Variants in CD1A observed in about 807,000 individuals in gnomAD.
CD1A encodes the protein CD1a molecule, also known as T-cell surface glycoprotein CD1a.
CD1A carries 50 observed loss-of-function variants against 38.3 expected under a neutral mutation model. That is an observed-to-expected ratio of 1.30 (90% CI 1.04 to 1.65). The LOEUF (loss-of-function observed/expected upper bound fraction) is 1.65, where lower values mean the gene tolerates loss of function less well. CD1A is among the 40% of genes most tolerant of loss of function. The pLI is 0.00. For missense variants in CD1A, 459 were observed against 406.1 expected (o/e 1.13, Z -1.12); for synonymous variants, 160 against 150.8 (o/e 1.06, Z -0.45).
At chr1:158,254,340 GA>G (rs80344811), upstream of CD1A, 4 of 1,182,042 alleles carry the variant, frequency 3.4e-6, no homozygotes, top group Middle Eastern at 3.7e-4. Context: ...GTATGATTGA[GA>G]AAAAAATGTC....
chr1:158,254,166 A>G, upstream of CD1A: 1 of 993,752 alleles, frequency 1.0e-6, no homozygotes, highest in African/African-American at 1.8e-5. Flanking sequence ...TGAAAAAGCA[A>G]ATAAATCAAT....
At chr1:158,249,285 C>G in the CD1A span, among the ~76,000 whole-genome samples, 2 of 152,116 alleles carry the variant, frequency 1.3e-5, no homozygotes, top group Non-Finnish European at 2.9e-5. Flanking sequence ...GACTGGGTGG[C>G]TTATAAACAA....
At position 158,256,858 on chromosome 1, in the gene CD1A, C is replaced by T. The variant is rs1474987512; in HGVS notation, c.677C>T (p.Ser226Leu). Reference sequence around the variant, plus strand: ...CATCTGCAGCTTGTGTGCCATGTCTCAGGATTCTACCCAAAGCCCGTGTGG... The same window carrying T: ...CATCTGCAGCTTGTGTGCCATGTCTTAGGATTCTACCCAAAGCCCGTGTGG... ...PGHLQLVCHV[S>L]GFYPKPVWVM... The change falls in exon 4 of 6, where the codon TCA (serine) becomes TTA (leucine). Residue 226 changes from serine (S) to leucine (L), a missense_variant. Ser to Leu is a moderately radical substitution (Grantham distance 145). Coordinates refer to ENST00000289429, the MANE Select transcript of CD1A (RefSeq NM_001763.3). 1 of 1,614,242 alleles carries T rather than the reference C, an allele frequency of 6.2e-7. No homozygotes were observed. The highest frequency in any genetic ancestry group is 8.5e-7 in the Non-Finnish European group (1 of 1,180,052).
At chr1:158,255,400 G>T (rs1183609601) in intron 2 of CD1A, 50 bp downstream of exon 2, 2 of 1,569,638 alleles carry the variant, frequency 1.3e-6, no homozygotes. Context: ...GAGAGGGGTT[G>T]TCTCAATGTT....
At chr1:158,250,414 G>T (rs1650056040), upstream of CD1A, among the ~76,000 whole-genome samples, 1 of 152,114 alleles carries the variant, frequency 6.6e-6, no homozygotes, top group Non-Finnish European at 1.5e-5. Context: ...TGATCATAGG[G>T]CATCAACTAT....
upstream of CD1A, among the ~76,000 whole-genome samples, chr1:158,252,896 T>TCAAAACAAAA (rs59775988): frequency 8.6e-5 from 13 of 151,582 alleles, no homozygotes; most frequent in African/African-American, 3.2e-4. Context: ...AGACTCTGTC[T>TCAAAACAAAA]CAAAACAAAA....
At chr1:158,257,344 G>A in intron 4 of CD1A, 77 bp from the exon 5 acceptor site, 8 of 1,119,424 alleles carry the variant, frequency 7.1e-6, no homozygotes, top group Non-Finnish European at 1.1e-5. Flanking sequence ...GAAGCCCAGG[G>A]AATGCAGTGA....
chr1:158,254,030 GGTTTTTTTTTTTTTTTT>G (rs753580656), upstream of CD1A: 3,642 of 45,748 alleles, frequency 0.08, 263 homozygotes, highest in East Asian at 0.2. Flanking sequence ...GTGTTCCTGT[GGTTTTTTTTTTTTTTTT>G]TTTTTTTTTT....
At chr1:158,257,389 A>G (rs756055246) in intron 4 of CD1A, 32 bp from the exon 5 acceptor site, 129 of 1,528,936 alleles carry the variant, frequency 8.4e-5, no homozygotes, top group Non-Finnish European at 1.1e-4. Context: ...GGGATGGATT[A>G]TAACATCCTT....
rs3087217 is a variant in CD1A, at chr1:158,255,091, G to A, written c.66G>A (p.Lys22=). The part of the protein sequence containing the change: ...LPGDGNADGL[K]EPLSFHVTWI... The stretch of plus-strand genomic sequence containing the variant: ...TCTGTTCTTTTGTCGCAGGGCTCAA[G>A]GAGCCTCTCTCCTTCCATGTCACCT... The change falls in exon 2 of 6, where the codon AAG becomes AAA. Residue 22 remains lysine (K), a synonymous_variant. Transcript: ENST00000289429. 3 of 1,613,872 alleles carry A rather than the reference G, an allele frequency of 1.9e-6. No individual in the cohort carries two copies. In the East Asian group the frequency reaches 6.7e-5, roughly 36 times the overall value.
chr1:158,254,552 A>G lies in CD1A; in HGVS notation c.-118A>G. On this transcript the variant is annotated 5_prime_UTR_variant, in exon 1 of 6. Transcript: ENST00000289429. ...GGATTTTCTTTGTTGCAGTCAGGGG[A>G]GGTTTGTCTGTTGGCTGCAGAAAGA... The G allele has an allele frequency of 6.4e-7, 1 of 1,565,014 alleles. No homozygotes were observed. Among genetic ancestry groups the G allele is most frequent in the South Asian group, 1.2e-5 (1 of 84,532 alleles).
rs199972478 is a variant in CD1A at position 158,256,117 on chromosome 1, T to A, written c.439T>A (p.Ser147Thr). 1 of 1,614,210 alleles carries A rather than the reference T, an allele frequency of 6.2e-7. No individual in the cohort carries two copies. The change falls in exon 3 of 6, where the codon TCA (serine) becomes ACA (threonine). Residue 147 changes from serine (S) to threonine (T), a missense_variant. Ser to Thr is a moderately conservative substitution (Grantham distance 58, BLOSUM62 1). Transcript: ENST00000289429. ...GSDFVSFQNN[S>T]WLPYPVAGNM... ...AGACTTTGTGAGCTTCCAGAACAATTCATGGTTGCCATATCCAGTGGCTGG... is the reference window on the plus strand; with the variant it reads ...AGACTTTGTGAGCTTCCAGAACAATACATGGTTGCCATATCCAGTGGCTGG...
rs55696033 is a variant in CD1A, at chr1:158,254,785, C to CTGTGTG, written c.58+101_58+106dup. The CTGTGTG allele has an allele frequency of 2.5e-4, 170 of 684,450 alleles. 2 individuals carry two copies. The highest frequency in any genetic ancestry group is 4.7e-4 in the South Asian group (27 of 57,460). 42.4% of individuals were successfully genotyped at this position (684,450 alleles called of 1,614,324 possible). A position where few individuals can be genotyped will look rare whatever the true frequency, so the allele number is the denominator to read the frequency against. On this transcript the variant is annotated intron_variant, in intron 1 of 5. Transcript: ENST00000289429. ...TGGGTGAAGGTCTCTCTCTCTCTCT[C>CTGTGTG]TGTGTGTGTGTGTGTGTGTGTGTGT...
At chr1:158,251,360 G>C (rs1043425698), upstream of CD1A, among the ~76,000 whole-genome samples, 1 of 152,134 alleles carries the variant, frequency 6.6e-6, no homozygotes, top group Non-Finnish European at 1.5e-5. Flanking sequence ...GCAGTGTGAG[G>C]GTTTGAGTCA....
chr1:158,255,028 T>C, intron 1 of CD1A, 56 bp from the exon 2 acceptor site: 1 of 1,571,964 alleles, frequency 6.4e-7, no homozygotes, highest in East Asian at 2.2e-5. Flanking sequence ...CACCTTTCTC[T>C]CTCCATCCTC....
rs749024887 is a variant in CD1A, at chr1:158,256,099, G to C, written c.421G>C (p.Val141Leu). ...LQLAYQGSDF[V>L]SFQNNSWLPY... ...GTTAGCTTATCAAGGATCAGACTTT[G>C]TGAGCTTCCAGAACAATTCATGGTT... Residue 141 changes from valine (V) to leucine (L), a missense_variant, in exon 3 of 6, where the codon GTG (valine) becomes CTG (leucine). Val to Leu is a conservative substitution (Grantham distance 32). Transcript: ENST00000289429. 40 of 1,614,204 alleles carry C rather than the reference G, an allele frequency of 2.5e-5. No homozygotes were observed. The highest frequency in any genetic ancestry group is 3.4e-5 in the Non-Finnish European group (40 of 1,180,042).
chr1:158,256,301 C>T lies in CD1A; in HGVS notation c.604+19C>T, dbSNP rs1279466547. 1.9e-6 allele frequency: 3 copies of T among 1,598,708 alleles called. No individual in the cohort carries two copies. In the African/African-American group the frequency reaches 4.0e-5, roughly 21 times the overall value. ...CGGCAAGGTCAGTCCTGCACTCTCC[C>T]TCCAAGAAGTTTTGATTTGAAAATC... is the stretch of plus-strand genomic sequence containing the variant. On this transcript the variant is annotated intron_variant, in intron 3 of 5. Transcript: ENST00000289429.
chr1:158,248,710 C>T, the CD1A span, among the ~76,000 whole-genome samples: 1 of 152,204 alleles, frequency 6.6e-6, no homozygotes, highest in African/African-American at 2.4e-5. Context: ...CCTATTTTAT[C>T]TCTTGATTTT....
upstream of CD1A, chr1:158,254,378 C>A (rs1650170124): frequency 2.4e-6 from 3 of 1,243,434 alleles, no homozygotes; most frequent in East Asian, 4.4e-5. Context: ...CTTTTCAATG[C>A]CACATCAGAC....
Sources: allele counts gnomAD v4.1 joint callset (sites outside exome capture counted in the v4.1 genomes callset), GRCh38; gene constraint gnomAD v4.1.1; transcripts MANE v1.5; gene names NCBI Gene and HGNC (gene_info 2026-07-23, HGNC 2026-07-21).